The following AGBL4 variants were observed in gnomAD, a reference collection of about 807,000 sequenced individuals.
AGBL4 encodes the protein cytosolic carboxypeptidase 6.
Under a neutral mutation model 66.4 loss-of-function variants are expected in AGBL4, and 58 were observed. That is an observed-to-expected ratio of 0.87 (90% CI 0.71 to 1.09). The LOEUF (loss-of-function observed/expected upper bound fraction) is 1.09. Ranked by LOEUF, AGBL4 falls within the 50% of genes least tolerant of loss-of-function variation. The pLI, the probability that AGBL4 is intolerant of heterozygous loss-of-function variation, is 0.00. For synonymous variants in AGBL4, 234 were observed against 222.9 expected (o/e 1.05, Z -0.44); for missense variants, 579 against 631.0 (o/e 0.92, Z 0.88).
chr1:48,595,703 C>T (rs1337762281), intron 9 of AGBL4, among the ~76,000 whole-genome samples: 4 of 152,348 alleles, frequency 2.6e-5, no homozygotes, highest in Admixed American at 2.6e-4. Context: ...ATATTTGCAA[C>T]ATAATTTAGT....
intron 4 of AGBL4, among the ~76,000 whole-genome samples, chr1:49,197,124 T>A (rs1222206498): frequency 3.3e-5 from 5 of 152,232 alleles, no homozygotes; most frequent in Non-Finnish European, 2.9e-5. Context: ...CCACTGTGCC[T>A]GGCCCGATGT....
At chr1:48,877,414 C>G (rs1649333679) in intron 5 of AGBL4, among the ~76,000 whole-genome samples, 1 of 152,044 alleles carries the variant, frequency 6.6e-6, no homozygotes, top group African/African-American at 2.4e-5. Flanking sequence ...CCCTAGCTAC[C>G]TTCTGTCTCC....
chr1:49,641,021 T>C (rs1276524577), intron 3 of AGBL4, among the ~76,000 whole-genome samples: 4 of 152,110 alleles, frequency 2.6e-5, no homozygotes, highest in African/African-American at 2.4e-5. Context: ...CAAACCCCAG[T>C]GACATACAAT....
At chr1:49,895,812 AAAG>A (rs1649142591) in intron 1 of AGBL4, among the ~76,000 whole-genome samples, 1 of 152,016 alleles carries the variant, frequency 6.6e-6, no homozygotes. Flanking sequence ...AAAGAAAGGA[AAAG>A]AAGACCACGA....
intron 4 of AGBL4, among the ~76,000 whole-genome samples, chr1:49,073,017 T>C (rs1346824852): frequency 6.6e-6 from 1 of 152,234 alleles, no homozygotes; most frequent in East Asian, 1.9e-4. Context: ...CTGATATCCT[T>C]TCTTTCACTT....
intron 5 of AGBL4, among the ~76,000 whole-genome samples, chr1:48,928,652 A>C (rs1467229337): frequency 2.0e-5 from 3 of 152,074 alleles, no homozygotes; most frequent in Non-Finnish European, 4.4e-5. Context: ...TACTAGCTAG[A>C]TGCTCTTGGT....
At chr1:49,878,084 A>C (rs537148605) in intron 1 of AGBL4, among the ~76,000 whole-genome samples, 466 of 149,610 alleles carry the variant, frequency 3.1e-3, no homozygotes, top group South Asian at 8.1e-3. Flanking sequence ...CGGTCTATCA[A>C]TTTTGTTGAT....
rs577904929 is a variant in AGBL4, at chr1:49,598,310, G to A, written c.282+99003C>T. Among the ~76,000 whole-genome samples the A allele has an allele frequency of 5.3e-5, 8 of 152,304 alleles. No individual in the cohort carries two copies. In the South Asian group the frequency reaches 1.4e-3, roughly 28 times the overall value. ...TGCGCTCTGCTTTTTAGGGTTTCCA[G>A]TTTTTCTGCTCTGTTTTTTCCCCAT... On this transcript the variant is annotated intron_variant, in intron 3 of 13. Coordinates refer to ENST00000371839, the MANE Select transcript of AGBL4 (RefSeq NM_032785.4).
chr1:48,987,117 T>C (rs1008503688), intron 5 of AGBL4, among the ~76,000 whole-genome samples: 1 of 151,470 alleles, frequency 6.6e-6, no homozygotes, highest in Non-Finnish European at 1.5e-5. Context: ...ATTCAAAGAA[T>C]ACTCCAAAAT....
At chr1:49,506,889 G>C (rs1303595013) in intron 3 of AGBL4, among the ~76,000 whole-genome samples, 1 of 151,956 alleles carries the variant, frequency 6.6e-6, no homozygotes, top group Non-Finnish European at 1.5e-5. Flanking sequence ...GCTATAGTGT[G>C]CCAATCTCTG....
At chr1:49,227,824 C>T (rs537024921) in intron 4 of AGBL4, among the ~76,000 whole-genome samples, 6 of 152,272 alleles carry the variant, frequency 3.9e-5, no homozygotes, top group African/African-American at 1.4e-4. Context: ...GGCTGCAGTG[C>T]CCTATTCTCT....
intron 3 of AGBL4, among the ~76,000 whole-genome samples, chr1:49,653,718 A>T (rs1023917588): frequency 7.3e-5 from 11 of 151,650 alleles, no homozygotes; most frequent in Non-Finnish European, 1.5e-4. Context: ...AGAAGAAAGG[A>T]TATAAGAGCT....
chr1:49,853,743 A>T (rs1328208252), intron 1 of AGBL4, among the ~76,000 whole-genome samples: 1 of 152,126 alleles, frequency 6.6e-6, no homozygotes, highest in East Asian at 1.9e-4. Context: ...TTCTCTTTGA[A>T]ATATATAAAC....
At chr1:48,854,719 C>T (rs1381898933) in intron 6 of AGBL4, among the ~76,000 whole-genome samples, 4 of 152,120 alleles carry the variant, frequency 2.6e-5, no homozygotes, top group Non-Finnish European at 4.4e-5. Context: ...TATACTTGTT[C>T]AAAGATGGGT....
chr1:49,798,811 A>T (rs1644791310), intron 2 of AGBL4, among the ~76,000 whole-genome samples: 1 of 152,148 alleles, frequency 6.6e-6, no homozygotes, highest in East Asian at 1.9e-4. Flanking sequence ...GAAGTATTTT[A>T]TTTTATTTAA....
intron 1 of AGBL4, among the ~76,000 whole-genome samples, chr1:49,892,704 GTCCTTACAAAAA>G (rs1648774210): frequency 6.6e-6 from 1 of 152,072 alleles, no homozygotes; most frequent in African/African-American, 2.4e-5. Flanking sequence ...TCTCCCTGAA[GTCCTTACAAAAA>G]TACTATGAGA....
At chr1:49,987,998 A>G (rs1659643975) in intron 1 of AGBL4, among the ~76,000 whole-genome samples, 1 of 151,752 alleles carries the variant, frequency 6.6e-6, no homozygotes, top group Non-Finnish European at 1.5e-5. Flanking sequence ...AATCTTTGCT[A>G]TACCTAGCCT....
At chr1:49,470,523 A>T (rs1646720819) in intron 3 of AGBL4, among the ~76,000 whole-genome samples, 1 of 152,018 alleles carries the variant, frequency 6.6e-6, no homozygotes, top group African/African-American at 2.4e-5. Flanking sequence ...ATGTGTTAGC[A>T]GGTGGAACTT....
At chr1:49,900,386 C>G (rs1264284722) in intron 1 of AGBL4, among the ~76,000 whole-genome samples, 1 of 152,006 alleles carries the variant, frequency 6.6e-6, no homozygotes, top group Non-Finnish European at 1.5e-5. Context: ...GCTGGGATTA[C>G]AGGCATGCAC....
Sources: allele counts gnomAD v4.1 joint callset (sites outside exome capture counted in the v4.1 genomes callset), GRCh38; gene constraint gnomAD v4.1.1; transcripts MANE v1.5; gene names NCBI Gene and HGNC (gene_info 2026-07-23, HGNC 2026-07-21).